Variants in ENTPD1 observed in about 807,000 individuals in gnomAD.
ENTPD1 encodes ATP diphosphohydrolase.
Under a neutral mutation model 57.0 loss-of-function variants are expected in ENTPD1, and 33 were observed. The observed-to-expected ratio is 0.58, with a 90% CI of 0.44 to 0.77. The LOEUF is 0.77. Among genes scored for constraint, ENTPD1 ranks in the 30% least tolerant of loss-of-function variants. The pLI is 0.00. For missense variants in ENTPD1, 501 were observed against 603.4 expected (o/e 0.83, Z 1.78); for synonymous variants, 202 against 218.8 (o/e 0.92, Z 0.68).
intron 1 of ENTPD1, among the ~76,000 whole-genome samples, chr10:95,809,835 C>T (rs1280658350): frequency 9.9e-5 from 14 of 141,206 alleles, no homozygotes; most frequent in East Asian, 6.2e-4. Flanking sequence ...GACGGGGCAG[C>T]GGCCGGGCTG....
chr10:95,793,099 A>C (rs551353191), intron 1 of ENTPD1, among the ~76,000 whole-genome samples: 8 of 152,292 alleles, frequency 5.3e-5, no homozygotes, highest in African/African-American at 1.9e-4. Flanking sequence ...TTCTTTGAAT[A>C]GCTTCTTAGC....
At chr10:95,796,271 C>A (rs2098225524) in intron 1 of ENTPD1, among the ~76,000 whole-genome samples, 1 of 152,102 alleles carries the variant, frequency 6.6e-6, no homozygotes, top group Admixed American at 6.6e-5. Context: ...AAGTTAAAGG[C>A]TATTATAGCA....
chr10:95,840,013 CATAAAT>C (rs1307825345), intron 3 of ENTPD1, among the ~76,000 whole-genome samples: 2 of 152,172 alleles, frequency 1.3e-5, no homozygotes, highest in African/African-American at 2.4e-5. Flanking sequence ...AATAAACACA[CATAAAT>C]ATAATTAATA....
chr10:95,857,927 C>T (rs1456680151), intron 7 of ENTPD1, among the ~76,000 whole-genome samples: 1 of 151,966 alleles, frequency 6.6e-6, no homozygotes, highest in African/African-American at 2.4e-5. Context: ...TTTGGGAGGC[C>T]GACGCGGGCG....
intron 4 of ENTPD1, among the ~76,000 whole-genome samples, chr10:95,843,934 C>T (rs977892793): frequency 4.6e-5 from 7 of 152,188 alleles, no homozygotes; most frequent in Non-Finnish European, 1.0e-4. Flanking sequence ...AGGTCTCAAA[C>T]AGACCCAAGA....
chr10:95,728,862 A>T (rs555168295), intron 1 of ENTPD1, among the ~76,000 whole-genome samples: 1 of 152,114 alleles, frequency 6.6e-6, no homozygotes, highest in Admixed American at 6.5e-5. Flanking sequence ...ATTTCTCTCA[A>T]CTGCAAATGG....
At chr10:95,768,270 G>A (rs1358065907) in intron 1 of ENTPD1, among the ~76,000 whole-genome samples, 1 of 152,194 alleles carries the variant, frequency 6.6e-6, no homozygotes, top group Non-Finnish European at 1.5e-5. Context: ...TTTTGCCTGG[G>A]ATATGGTAAA....
intron 1 of ENTPD1, among the ~76,000 whole-genome samples, chr10:95,808,698 C>G (rs1039065122): frequency 6.7e-6 from 1 of 148,222 alleles, no homozygotes; most frequent in African/African-American, 2.5e-5. Context: ...GCTAGAGATA[C>G]TTTGACAGAT....
chr10:95,780,504 T>C (rs1011126448), intron 1 of ENTPD1, among the ~76,000 whole-genome samples: 2 of 152,234 alleles, frequency 1.3e-5, no homozygotes, highest in African/African-American at 4.8e-5. Flanking sequence ...ACTAAATCTT[T>C]TATAAACTGT....
chr10:95,733,994 CT>C (rs909411586), intron 1 of ENTPD1, among the ~76,000 whole-genome samples: 6 of 152,158 alleles, frequency 3.9e-5, no homozygotes, highest in Non-Finnish European at 7.4e-5. Context: ...CTTGCCTGTT[CT>C]GTGGTCATGT....
intron 7 of ENTPD1, among the ~76,000 whole-genome samples, chr10:95,851,855 G>C (rs1047190186): frequency 5.3e-5 from 8 of 152,080 alleles, no homozygotes; most frequent in Non-Finnish European, 1.0e-4. Flanking sequence ...TTGGTTCCAA[G>C]TCTTTGCTAT....
chr10:95,763,065 T>C (rs756580494), intron 1 of ENTPD1, among the ~76,000 whole-genome samples: 7 of 152,068 alleles, frequency 4.6e-5, no homozygotes, highest in Non-Finnish European at 1.0e-4. Flanking sequence ...GCCATACTTA[T>C]AATAGTTTTT....
rs542688538 is a variant in ENTPD1 at position 95,800,247 on chromosome 10, G to A, written c.17-22990G>A. On this transcript the variant is annotated intron_variant, in intron 1 of 9. Transcript: ENST00000371205. ...GCTGGTCTTCCGGGGATGTCATCAC[G>A]TATTGGTAGGACTGTGATGACGACC... 2.2e-3 allele frequency among the ~76,000 whole-genome samples: 329 copies of A among 152,210 alleles called. 2 individuals carry two copies. The highest frequency in any genetic ancestry group is 7.9e-3 in the South Asian group (38 of 4,820).
At chr10:95,815,435 G>A (rs1181797859) in intron 1 of ENTPD1, among the ~76,000 whole-genome samples, 1 of 152,180 alleles carries the variant, frequency 6.6e-6, no homozygotes, top group Non-Finnish European at 1.5e-5. Context: ...TCAAAAGGTA[G>A]GACATTGGTA....
chr10:95,705,664 G>A, the ENTPD1 span, among the ~76,000 whole-genome samples: 3 of 152,108 alleles, frequency 2.0e-5, no homozygotes, highest in Admixed American at 2.0e-4. Flanking sequence ...GCTAATTTTT[G>A]TATTTTTAGT....
At chr10:95,790,055 T>C (rs2098197145) in intron 1 of ENTPD1, among the ~76,000 whole-genome samples, 1 of 152,192 alleles carries the variant, frequency 6.6e-6, no homozygotes, top group African/African-American at 2.4e-5. Flanking sequence ...ATATTGGAAG[T>C]GCTCTCAAGA....
At chr10:95,722,211 A>G (rs1233054021) in intron 1 of ENTPD1, among the ~76,000 whole-genome samples, 1 of 150,926 alleles carries the variant, frequency 6.6e-6, no homozygotes, top group Non-Finnish European at 1.5e-5. Flanking sequence ...GAGTCTCCCT[A>G]TCAATTACTG....
intron 1 of ENTPD1, among the ~76,000 whole-genome samples, chr10:95,800,699 A>T (rs2098245823): frequency 6.6e-6 from 1 of 152,106 alleles, no homozygotes; most frequent in South Asian, 2.1e-4. Context: ...TCCTACTCAC[A>T]CATCTATCTA....
At chr10:95,819,891 T>C (rs769073327) in intron 1 of ENTPD1, among the ~76,000 whole-genome samples, 2 of 152,242 alleles carry the variant, frequency 1.3e-5, no homozygotes, top group African/African-American at 2.4e-5. Flanking sequence ...CATTTCACAT[T>C]GTATGACAGA....
Sources: allele counts gnomAD v4.1 joint callset (sites outside exome capture counted in the v4.1 genomes callset), GRCh38; gene constraint gnomAD v4.1.1; transcripts MANE v1.5; gene names NCBI Gene and HGNC (gene_info 2026-07-23, HGNC 2026-07-21).